NRXN3: variants seen among roughly 807,000 people sequenced by gnomAD.
NRXN3 encodes neurexin 3, also known as neurexin III.
In NRXN3, 32 loss-of-function variants were observed where a neutral mutation model predicts 137.6. The ratio of observed to expected loss-of-function variants is 0.23; its 90% confidence interval spans 0.18 to 0.31. The LOEUF (loss-of-function observed/expected upper bound fraction) is 0.31. Among genes scored for constraint, NRXN3 ranks in the 10% least tolerant of loss-of-function variants. The probability of loss-of-function intolerance (pLI) is 1.00; values close to 1 mark genes in which losing one functional copy is unlikely to be tolerated. For synonymous variants in NRXN3, 798 were observed against 784.5 expected, an observed-to-expected ratio of 1.02 and a Z score of -0.29; for missense variants, 1,574 against 2,062.5, an observed-to-expected ratio of 0.76 and a Z score of 4.59.
intron 19 of NRXN3, among the ~76,000 whole-genome samples, chr14:79,757,258 TAA>T (rs143356569): frequency 0.049 from 7,422 of 152,220 alleles, 253 homozygotes; most frequent in Middle Eastern, 0.14. Flanking sequence ...AAGATAGTTG[TAA>T]AATGAGGACA....
At chr14:79,492,270 G>A (rs962461280) in intron 16 of NRXN3, among the ~76,000 whole-genome samples, 1 of 152,138 alleles carries the variant, frequency 6.6e-6, no homozygotes, top group East Asian at 1.9e-4. Flanking sequence ...ATATGTATCA[G>A]TAAGTCAAGG....
chr14:78,799,138 C>A (rs1488543037), intron 8 of NRXN3, among the ~76,000 whole-genome samples: 1 of 152,178 alleles, frequency 6.6e-6, no homozygotes, highest in Non-Finnish European at 1.5e-5. Context: ...GTGGGTTTTT[C>A]TTTTCTATCA....
chr14:79,396,559 C>T (rs1268088239), intron 15 of NRXN3, among the ~76,000 whole-genome samples: 6 of 151,880 alleles, frequency 4.0e-5, no homozygotes, highest in Admixed American at 2.0e-4. Context: ...GAGAAGCAGC[C>T]CTGTAGTTTG....
At chr14:78,674,183 T>C (rs1300212428) in intron 6 of NRXN3, among the ~76,000 whole-genome samples, 1 of 152,176 alleles carries the variant, frequency 6.6e-6, no homozygotes, top group East Asian at 1.9e-4. Context: ...TGTGTGTCTC[T>C]CAGATTAAAC....
intron 19 of NRXN3, among the ~76,000 whole-genome samples, chr14:79,775,273 A>AT (rs753939235): frequency 6.6e-6 from 1 of 152,104 alleles, no homozygotes; most frequent in East Asian, 1.9e-4. Flanking sequence ...TAATGTTTAT[A>AT]TATTTTGGCA....
intron 15 of NRXN3, among the ~76,000 whole-genome samples, chr14:79,077,846 A>G (rs371240950): frequency 1.3e-5 from 2 of 152,264 alleles, no homozygotes; most frequent in South Asian, 2.1e-4. Context: ...AAATGAAAAC[A>G]TCTGTCAGGG....
intron 3 of NRXN3, chr14:78,283,197 C>T (rs1428848421): frequency 1.3e-5 from 2 of 152,188 alleles, no homozygotes; most frequent in Admixed American, 1.3e-4. Flanking sequence ...ACCACTTAGT[C>T]TGCGCTGGTC....
At chr14:78,317,321 G>C (rs1019737771) in intron 4 of NRXN3, among the ~76,000 whole-genome samples, 3 of 152,218 alleles carry the variant, frequency 2.0e-5, no homozygotes, top group Non-Finnish European at 4.4e-5. Flanking sequence ...AGCAAGAGGT[G>C]AGTGGCAGGC....
intron 15 of NRXN3, among the ~76,000 whole-genome samples, chr14:79,153,830 G>A (rs1490901849): frequency 6.6e-6 from 1 of 151,924 alleles, no homozygotes; most frequent in Admixed American, 6.6e-5. Context: ...TCCAGGCTTG[G>A]TAGGAACCCA....
intron 10 of NRXN3, among the ~76,000 whole-genome samples, chr14:78,954,473 G>C (rs141754765): frequency 0.02 from 2,985 of 151,992 alleles, 106 homozygotes; most frequent in African/African-American, 0.068. Context: ...CAGTTTTTTG[G>C]GGGTTTTTTG....
At chr14:78,951,806 G>A (rs1310539505) in intron 10 of NRXN3, among the ~76,000 whole-genome samples, 1 of 152,170 alleles carries the variant, frequency 6.6e-6, no homozygotes, top group Non-Finnish European at 1.5e-5. Flanking sequence ...GATGTGAATA[G>A]ATAGTCTTGC....
intron 15 of NRXN3, among the ~76,000 whole-genome samples, chr14:79,243,060 A>G (rs1041242514): frequency 5.3e-5 from 8 of 152,166 alleles, no homozygotes; most frequent in Admixed American, 3.3e-4. Context: ...AAGTTTAAGC[A>G]TTCATCTTTC....
intron 15 of NRXN3, among the ~76,000 whole-genome samples, chr14:79,368,497 T>G (rs1482257655): frequency 6.6e-6 from 1 of 152,228 alleles, no homozygotes; most frequent in African/African-American, 2.4e-5. Context: ...ATTGTTTAAG[T>G]GCCATAATTG....
At chr14:79,135,344 A>C (rs1390736912) in intron 15 of NRXN3, among the ~76,000 whole-genome samples, 1 of 152,194 alleles carries the variant, frequency 6.6e-6, no homozygotes, top group African/African-American at 2.4e-5. Context: ...TCTTTCATAT[A>C]AATATATATA....
At chr14:78,391,170 A>G (rs1420843833) in intron 4 of NRXN3, among the ~76,000 whole-genome samples, 5 of 152,130 alleles carry the variant, frequency 3.3e-5, no homozygotes, top group African/African-American at 7.2e-5. Context: ...TGTTCTGATT[A>G]TCTTGTCACT....
chr14:78,193,252 C>G (rs1362319019), intron 1 of NRXN3, among the ~76,000 whole-genome samples: 1 of 152,188 alleles, frequency 6.6e-6, no homozygotes, highest in Non-Finnish European at 1.5e-5. Flanking sequence ...TTTAACCCCT[C>G]ATTCTGGAAA....
At chr14:79,502,525 C>T (rs1198679644) in intron 16 of NRXN3, among the ~76,000 whole-genome samples, 1 of 151,842 alleles carries the variant, frequency 6.6e-6, no homozygotes, top group Non-Finnish European at 1.5e-5. Flanking sequence ...ACCCCCCACC[C>T]CACCTCCTCC....
At chr14:78,222,835 G>C (rs778262106) in intron 1 of NRXN3, among the ~76,000 whole-genome samples, 1 of 152,278 alleles carries the variant, frequency 6.6e-6, no homozygotes, top group East Asian at 1.9e-4. Flanking sequence ...TAAGCTCCTT[G>C]TAGTCAAGGC....
At chr14:78,881,512 T>C (rs1429725886) in intron 10 of NRXN3, among the ~76,000 whole-genome samples, 2 of 151,760 alleles carry the variant, frequency 1.3e-5, no homozygotes, top group Non-Finnish European at 2.9e-5. Context: ...TGACTCTTGC[T>C]ATGCTCTAAA....
Sources: gnomAD v4.1 joint callset for allele counts (sites outside exome capture counted in the v4.1 genomes callset) on GRCh38, gnomAD v4.1.1 for gene constraint, MANE v1.5 for transcripts, NCBI Gene and HGNC (gene_info 2026-07-23, HGNC 2026-07-21) for gene names.